Variants in SEMA6D observed in about 807,000 individuals in gnomAD.
SEMA6D encodes semaphorin 6D, also known as semaphorin-6D.
Under a neutral mutation model 106.6 loss-of-function variants are expected in SEMA6D, and 35 were observed. That is an observed-to-expected ratio of 0.33 (90% CI 0.25 to 0.44). The LOEUF is 0.44. Among genes scored for constraint, SEMA6D ranks in the 20% least tolerant of loss-of-function variants. SEMA6D has a pLI of 1.00. For missense variants in SEMA6D, 1,185 were observed against 1,345.9 expected, an observed-to-expected ratio of 0.88 and a Z score of 1.87; for synonymous variants, 499 against 487.7, an observed-to-expected ratio of 1.02 and a Z score of -0.31.
intron 1 of SEMA6D, among the ~76,000 whole-genome samples, chr15:47,299,679 C>G (rs2035943360): frequency 6.6e-6 from 1 of 152,210 alleles, no homozygotes; most frequent in Non-Finnish European, 1.5e-5. Context: ...TGATGACAAA[C>G]TACCCTGGGT....
chr15:47,514,824 C>T (rs2044338022), intron 3 of SEMA6D, among the ~76,000 whole-genome samples: 1 of 152,172 alleles, frequency 6.6e-6, no homozygotes, highest in Non-Finnish European at 1.5e-5. Context: ...AGAAATCCTC[C>T]TGCTCAAAAT....
Position 47,770,650 on chromosome 15 carries a change from A to G in SEMA6D, c.2087A>G (p.Lys696Arg), listed in dbSNP as rs776868480. 1.2e-6 allele frequency: 2 copies of G among 1,614,004 alleles called. No individual in the cohort carries two copies. Among genetic ancestry groups the G allele is most frequent in the Admixed American group, 3.3e-5 (2 of 59,988 alleles). The change falls in exon 19 of 19, where the codon AAG (lysine) becomes AGG (arginine). Residue 696 changes from lysine to arginine, a missense_variant. Lys to Arg is a conservative substitution (Grantham distance 26, BLOSUM62 2). Around this residue, in one of 3 missense-constraint regions of SEMA6D, gnomAD observed 750 missense variants for 783.5 expected, o/e 0.96. Coordinates refer to ENST00000536845, the MANE Select transcript of SEMA6D (RefSeq NM_001358351.3). ...YRDMFVRKNR[K>R]IHKDAESAQS... ...GACATGTTTGTTCGGAAAAACAGAA[A>G]GATCCATAAAGATGCAGAGTCCGCC...
chr15:47,573,556 C>T (rs1283653090), intron 3 of SEMA6D, among the ~76,000 whole-genome samples: 1 of 152,192 alleles, frequency 6.6e-6, no homozygotes, highest in East Asian at 1.9e-4. Context: ...TTCCCTCTGC[C>T]ACCCTGCTAG....
intron 4 of SEMA6D, among the ~76,000 whole-genome samples, chr15:47,603,129 A>G (rs1298641342): frequency 6.6e-6 from 1 of 152,172 alleles, no homozygotes; most frequent in Non-Finnish European, 1.5e-5. Context: ...GGTTTTTCAT[A>G]TATAAAGAGA....
At position 47,766,023 on chromosome 15, in the gene SEMA6D, T is replaced by G; in HGVS notation, c.1568+14T>G. ...ATCATGTAAAAAGTAAGCTCGTGTT[T>G]CTTTACTTACCCTGGGTCTTGCAGT... On this transcript the variant is annotated intron_variant, in intron 14 of 18. Coordinates refer to ENST00000536845, the MANE Select transcript of SEMA6D (RefSeq NM_001358351.3). 6.2e-7 allele frequency: 1 copy of G among 1,604,468 alleles called. No individual in the cohort carries two copies. Among genetic ancestry groups the G allele is most frequent in the Non-Finnish European group, 8.5e-7 (1 of 1,174,176 alleles).
chr15:47,199,612 A>G (rs1894585399), intron 1 of SEMA6D, among the ~76,000 whole-genome samples: 1 of 152,120 alleles, frequency 6.6e-6, no homozygotes, highest in South Asian at 2.1e-4. Flanking sequence ...CATTGTGAAA[A>G]CCTAACTACA....
intron 1 of SEMA6D, among the ~76,000 whole-genome samples, chr15:47,309,905 A>G (rs1303090389): frequency 1.3e-5 from 2 of 152,210 alleles, no homozygotes; most frequent in Non-Finnish European, 2.9e-5. Context: ...CACCATGGTA[A>G]AGTAAAGAAA....
chr15:47,355,030 G>A (rs1379969384), intron 1 of SEMA6D, among the ~76,000 whole-genome samples: 1 of 152,090 alleles, frequency 6.6e-6, no homozygotes, highest in African/African-American at 2.4e-5. Flanking sequence ...ATTAAAGATG[G>A]CAGTGCTTTA....
chr15:47,547,678 A>G (rs1360930198), intron 3 of SEMA6D, among the ~76,000 whole-genome samples: 1 of 152,166 alleles, frequency 6.6e-6, no homozygotes, highest in Admixed American at 6.6e-5. Flanking sequence ...GGCTCATAGA[A>G]TCTTAGTTTG....
chr15:47,420,559 T>G (rs929586851), intron 2 of SEMA6D, among the ~76,000 whole-genome samples: 17 of 152,104 alleles, frequency 1.1e-4, no homozygotes, highest in Non-Finnish European at 2.4e-4. Context: ...TGTGAAGGTA[T>G]GTGCATTGCA....
At chr15:47,693,955 AAAATCTGAGAGCAGAG>A (rs1173971352) in intron 4 of SEMA6D, among the ~76,000 whole-genome samples, 3 of 152,120 alleles carry the variant, frequency 2.0e-5, no homozygotes, top group Admixed American at 6.6e-5. Flanking sequence ...AAAAAACAAA[AAAATCTGAGAGCAGAG>A]ACAAGCACTT....
Position 47,764,928 on chromosome 15 carries a change from C to T in SEMA6D, c.1299C>T (p.Tyr433=), listed in dbSNP as rs778249846. Reference sequence around the variant, plus strand: ...CAGTGGACCATTCAGCCGGACCCTACCAGAACTACACAGTCATCTTTGTTG... The same window carrying T: ...CAGTGGACCATTCAGCCGGACCCTATCAGAACTACACAGTCATCTTTGTTG... ...AISVDHSAGP[Y]QNYTVIFVGS... Residue 433 remains tyrosine, a synonymous_variant, in exon 13 of 19, where the codon TAC becomes TAT. Coordinates refer to ENST00000536845, the MANE Select transcript of SEMA6D (RefSeq NM_001358351.3). The T allele has an allele frequency of 1.9e-6, 3 of 1,613,958 alleles. No individual in the cohort carries two copies. Among genetic ancestry groups the T allele is most frequent in the Middle Eastern group, 1.7e-4 (1 of 6,060 alleles).
At chr15:47,309,022 A>G (rs2036339382) in intron 1 of SEMA6D, among the ~76,000 whole-genome samples, 1 of 152,150 alleles carries the variant, frequency 6.6e-6, no homozygotes, top group South Asian at 2.1e-4. Flanking sequence ...TTACTGTAAG[A>G]TTGACATTTA....
intron 1 of SEMA6D, among the ~76,000 whole-genome samples, chr15:47,205,734 A>G (rs145083114): frequency 1.2e-3 from 189 of 152,136 alleles, no homozygotes; most frequent in Middle Eastern, 3.4e-3. Flanking sequence ...ATAATAAGCT[A>G]AAAATTAAAA....
At position 47,504,897 on chromosome 15, in the gene SEMA6D, G is replaced by A. The variant is rs150906610; in HGVS notation, c.-87+34352G>A. 5.6e-3 allele frequency among the ~76,000 whole-genome samples: 847 copies of A among 152,214 alleles called. 6 individuals are homozygous for A. Among genetic ancestry groups the A allele is most frequent in the Admixed American group, 0.015 (228 of 15,294 alleles). On this transcript the variant is annotated intron_variant, in intron 3 of 19. Coordinates refer to the SEMA6D transcript ENST00000558014. The stretch of plus-strand genomic sequence containing the variant: ...AGTGTTTCTCTTTGTGGAGGAGAGT[G>A]GAAATTCCCTTCCTTCCTTCTGTGG...
chr15:47,357,838 T>C (rs2038648555), intron 1 of SEMA6D, among the ~76,000 whole-genome samples: 1 of 152,206 alleles, frequency 6.6e-6, no homozygotes, highest in South Asian at 2.1e-4. Context: ...ATTTATTATG[T>C]TTACTTGGTA....
chr15:47,363,853 A>G (rs962173877), intron 1 of SEMA6D, among the ~76,000 whole-genome samples: 6 of 152,162 alleles, frequency 3.9e-5, no homozygotes, highest in African/African-American at 1.4e-4. Flanking sequence ...CTTACTTATA[A>G]TCATGGCGGA....
chr15:47,686,086 A>G (rs1023532511), intron 4 of SEMA6D, among the ~76,000 whole-genome samples: 5 of 152,156 alleles, frequency 3.3e-5, no homozygotes, highest in African/African-American at 1.2e-4. Flanking sequence ...GCTACTATCC[A>G]GGTGGAAAAA....
At position 47,281,999 on chromosome 15, in the gene SEMA6D, C is replaced by T. The variant is rs183137752; in HGVS notation, c.-239+97581C>T. 1.0e-3 allele frequency among the ~76,000 whole-genome samples: 152 copies of T among 152,228 alleles called. 1 individual carries two copies. The highest frequency in any genetic ancestry group is 1.7e-3 in the South Asian group (8 of 4,824). ...GCTTAGTTTTACACTATACCCTATC[C>T]TTCCTCCATTACAATACTATACTGC... On this transcript the variant is annotated intron_variant, in intron 1 of 19. Coordinates refer to the SEMA6D transcript ENST00000558014.
Sources: gnomAD v4.1 joint callset for allele counts (sites outside exome capture counted in the v4.1 genomes callset) on GRCh38, gnomAD v4.1.1 for gene constraint, gnomAD v4.1.1 regional missense constraint, MANE v1.5 for transcripts, NCBI Gene and HGNC (gene_info 2026-07-23, HGNC 2026-07-21) for gene names.